The following MME variants were observed in gnomAD, a reference collection of about 807,000 sequenced individuals.
MME encodes the protein membrane metalloendopeptidase.
A neutral mutation model predicts 113.2 loss-of-function variants in MME; 98 were observed. The observed-to-expected ratio is 0.87, with a 90% CI of 0.74 to 1.02. The LOEUF (loss-of-function observed/expected upper bound fraction) is 1.02. Ranked by LOEUF, MME falls within the 50% of genes least tolerant of loss-of-function variation. The probability of loss-of-function intolerance (pLI) is 0.00; values close to 1 mark genes in which losing one functional copy is unlikely to be tolerated. For missense variants in MME, 836 were observed against 896.0 expected, an observed-to-expected ratio of 0.93 and a Z score of 0.86; for synonymous variants, 292 against 300.6, an observed-to-expected ratio of 0.97 and a Z score of 0.30.
At chr3:155,070,006 A>T (rs749183792) in intron 1 of MME, among the ~76,000 whole-genome samples, 1 of 152,180 alleles carries the variant, frequency 6.6e-6, no homozygotes, top group Non-Finnish European at 1.5e-5. Context: ...TGCCGCCTCT[A>T]CCAATAACCA....
At chr3:155,070,961 G>A (rs568301676) in intron 1 of MME, among the ~76,000 whole-genome samples, 2 of 152,132 alleles carry the variant, frequency 1.3e-5, no homozygotes, top group East Asian at 1.9e-4. Context: ...CCCTGCTCTC[G>A]CCCCCAGAGT....
At chr3:155,171,810 C>T (rs1712004498) in intron 20 of MME, among the ~76,000 whole-genome samples, 1 of 152,184 alleles carries the variant, frequency 6.6e-6, no homozygotes, top group Non-Finnish European at 1.5e-5. Context: ...TATAAAACAA[C>T]ATTTAGATAA....
upstream of MME, among the ~76,000 whole-genome samples, chr3:155,076,291 A>G (rs1194948246): frequency 6.6e-6 from 1 of 152,200 alleles, no homozygotes; most frequent in Non-Finnish European, 1.5e-5. Context: ...GTGGAAGAGT[A>G]GGGGTGAGGA....
At chr3:155,100,613 A>G (rs1576583446) in intron 3 of MME, among the ~76,000 whole-genome samples, 1 of 152,262 alleles carries the variant, frequency 6.6e-6, no homozygotes, top group Non-Finnish European at 1.5e-5. Context: ...CACTGTAGAT[A>G]ATAGTCTAGC....
chr3:155,108,877 T>C (rs1717925621), intron 3 of MME, among the ~76,000 whole-genome samples: 1 of 152,084 alleles, frequency 6.6e-6, no homozygotes, highest in South Asian at 2.1e-4. Context: ...CTATTGGTAA[T>C]GTTGGAAAGC....
At chr3:155,032,931 A>C (rs1021096171) in intron 1 of MME, among the ~76,000 whole-genome samples, 2 of 152,248 alleles carry the variant, frequency 1.3e-5, no homozygotes, top group Admixed American at 6.5e-5. Context: ...CTTAATGCAT[A>C]GTTACAATGA....
At chr3:155,130,683 A>G (rs1343233581) in intron 8 of MME, among the ~76,000 whole-genome samples, 4 of 152,178 alleles carry the variant, frequency 2.6e-5, no homozygotes, top group African/African-American at 7.2e-5. Flanking sequence ...GAGATTGGCT[A>G]TCCTGTAGAT....
intron 8 of MME, among the ~76,000 whole-genome samples, chr3:155,130,267 A>C (rs929023665): frequency 1.3e-5 from 2 of 152,216 alleles, no homozygotes; most frequent in African/African-American, 2.4e-5. Flanking sequence ...TCACATGTAC[A>C]CACACTTCAA....
intron 1 of MME, among the ~76,000 whole-genome samples, chr3:155,055,859 A>G (rs1048897413): frequency 2.0e-5 from 3 of 152,318 alleles, no homozygotes; most frequent in Admixed American, 6.5e-5. Context: ...ATTGTATGCT[A>G]TGACTCAACA....
At chr3:155,091,355 A>C (rs979168559) in intron 3 of MME, among the ~76,000 whole-genome samples, 4 of 152,232 alleles carry the variant, frequency 2.6e-5, no homozygotes, top group Non-Finnish European at 5.9e-5. Context: ...CCCTCCAGGG[A>C]AACTTTAAGC....
At chr3:155,031,661 A>AT (rs1712975326) in intron 1 of MME, among the ~76,000 whole-genome samples, 2 of 151,720 alleles carry the variant, frequency 1.3e-5, no homozygotes, top group South Asian at 4.2e-4. Context: ...TTTGTTTTGT[A>AT]TTGTTTTGTT....
At chr3:155,077,748 C>A (rs922590284), upstream of MME, among the ~76,000 whole-genome samples, 1 of 150,754 alleles carries the variant, frequency 6.6e-6, no homozygotes, top group Admixed American at 6.6e-5. Context: ...CAACAAAAAA[C>A]AGAAAGAAAA....
At chr3:155,085,003 T>G (rs572236471) in intron 2 of MME, 56 bp from the exon 3 acceptor site, 13 of 1,258,822 alleles carry the variant, frequency 1.0e-5, no homozygotes, top group African/African-American at 1.5e-5. Context: ...AAAAGAAAAA[T>G]AGAAATTTAA....
intron 1 of MME, among the ~76,000 whole-genome samples, chr3:155,032,792 G>A (rs1713012702): frequency 6.6e-6 from 1 of 152,114 alleles, no homozygotes; most frequent in Admixed American, 6.5e-5. Context: ...AAAGTTCGAG[G>A]ATAGACTATA....
intron 16 of MME, among the ~76,000 whole-genome samples, chr3:155,159,518 A>T (rs926455715): frequency 6.6e-6 from 1 of 152,038 alleles, no homozygotes; most frequent in African/African-American, 2.4e-5. Flanking sequence ...AAAATTTCTG[A>T]ACACATGATT....
At chr3:155,086,800 T>A (rs1715767231) in intron 3 of MME, among the ~76,000 whole-genome samples, 1 of 152,074 alleles carries the variant, frequency 6.6e-6, no homozygotes, top group Admixed American at 6.6e-5. Context: ...TGGATATTTT[T>A]AATTTTATTT....
intron 1 of MME, among the ~76,000 whole-genome samples, chr3:155,049,923 C>T (rs921484971): frequency 1.3e-5 from 2 of 152,118 alleles, no homozygotes; most frequent in South Asian, 4.1e-4. Flanking sequence ...CAGATTATTT[C>T]ATCACCCAGG....
chr3:155,069,692 T>C (rs1714492637), intron 1 of MME, among the ~76,000 whole-genome samples: 1 of 152,192 alleles, frequency 6.6e-6, no homozygotes, highest in Non-Finnish European at 1.5e-5. Context: ...CCTACTTAAA[T>C]AGTGACTGGA....
Position 155,115,084 on chromosome 3 carries a change from T to C in MME, c.287T>C (p.Val96Ala), listed in dbSNP as rs199575224. 1.2e-6 allele frequency: 2 copies of C among 1,614,132 alleles called. No homozygotes were observed. Among genetic ancestry groups the C allele is most frequent in the Non-Finnish European group, 1.7e-6 (2 of 1,180,012 alleles). The change falls in exon 4 of 23, where the codon GTC (valine) becomes GCC (alanine). Residue 96 changes from valine (V) to alanine (A), a missense_variant. Coordinates refer to ENST00000360490, the MANE Select transcript of MME (RefSeq NM_007289.4). ...YACGGWLKRNVIPETSSRYGN... is the reference protein window; with the variant it reads ...YACGGWLKRNAIPETSSRYGN... ...TGCGGAGGCTGGTTGAAACGTAATG[T>C]CATTCCCGAGACCAGCTCCCGTTAC...
Sources: allele counts gnomAD v4.1 joint callset (sites outside exome capture counted in the v4.1 genomes callset), GRCh38; gene constraint gnomAD v4.1.1; transcripts MANE v1.5; gene names NCBI Gene and HGNC (gene_info 2026-07-23, HGNC 2026-07-21).